Variants in UNC5CL observed in about 807,000 individuals in gnomAD.
UNC5CL encodes unc-5 family C-terminal like.
UNC5CL carries 42 observed loss-of-function variants against 54.1 expected under a neutral mutation model. The observed-to-expected ratio is 0.78, with a 90% CI of 0.61 to 1.00. The LOEUF (loss-of-function observed/expected upper bound fraction) is 1.00, where lower values mean the gene tolerates loss of function less well. Ranked by LOEUF, UNC5CL falls within the 50% of genes least tolerant of loss-of-function variation. The pLI is 0.00. For synonymous variants in UNC5CL, 285 were observed against 285.1 expected (o/e 1.00, Z 0.00); for missense variants, 619 against 675.6 (o/e 0.92, Z 0.93).
At chr6:41,030,561 C>T in intron 7 of UNC5CL, 60 bp from the exon 8 acceptor site, 1 of 1,609,576 alleles carries the variant, frequency 6.2e-7, no homozygotes, top group Non-Finnish European at 8.5e-7. Context: ...CTCTGGTTCT[C>T]CCATATGCAC....
At chr6:41,032,234 G>T in intron 4 of UNC5CL, 97 bp from the exon 5 acceptor site, 1 of 1,004,654 alleles carries the variant, frequency 1.0e-6, no homozygotes, top group African/African-American at 1.6e-5. Context: ...AACAAAGGCA[G>T]GAGGGTCTCA....
chr6:41,032,899 T>C lies in UNC5CL; in HGVS notation c.934A>G (p.Thr312Ala), dbSNP rs147999225. Residue 312 changes from threonine (T) to alanine (A), a missense_variant, in exon 4 of 9, where the codon ACG becomes GCG. Physicochemically the swap from Thr to Ala is moderately conservative, Grantham distance 58. Coordinates refer to ENST00000244565, the MANE Select transcript of UNC5CL (RefSeq NM_173561.3). The part of the protein sequence containing the change: ...GARGDQCLKL[T>A]YISEGWENVD... ...CCTCCCTCACCCTCTGAGATGTACG[T>C]GAGCTTCAGGCACTGGTCGCCCCTA... 4,758 of 1,603,540 alleles carry C rather than the reference T, an allele frequency of 3.0e-3. 13 individuals carry two copies. Among genetic ancestry groups the C allele is most frequent in the Non-Finnish European group, 3.7e-3 (4,322 of 1,174,992 alleles).
At chr6:41,032,201 G>C (rs1164548790) in intron 4 of UNC5CL, 64 bp from the exon 5 acceptor site, 9 of 1,347,880 alleles carry the variant, frequency 6.7e-6, no homozygotes, top group Non-Finnish European at 9.5e-6. Flanking sequence ...ATTGAAGGGG[G>C]CTGTGGGGAG....
rs755687083 is a variant in UNC5CL, at chr6:41,034,699, T to C, written c.376A>G (p.Ile126Val). Residue 126 changes from isoleucine (I) to valine (V), a missense_variant, in exon 2 of 9, where the codon ATC (isoleucine) becomes GTC (valine). Physicochemically the swap from Ile to Val is conservative, Grantham distance 29. Coordinates refer to ENST00000244565, the MANE Select transcript of UNC5CL (RefSeq NM_173561.3). Reference protein sequence around the residue: ...MLQDTGISLLIPPGAVAVGRQ... With the variant: ...MLQDTGISLLVPPGAVAVGRQ... ...AGCCAGGAGCTGTTACCTGGTGGGATGAGCAAGGAGATGCCTGTATCCTGG... is the reference window on the plus strand; with the variant it reads ...AGCCAGGAGCTGTTACCTGGTGGGACGAGCAAGGAGATGCCTGTATCCTGG... The C allele has an allele frequency of 1.2e-6, 2 of 1,601,976 alleles. No individual in the cohort carries two copies. The highest frequency in any genetic ancestry group is 1.1e-5 in the South Asian group (1 of 91,068).
At chr6:41,030,094 G>T (rs736794) in intron 8 of UNC5CL, among the ~76,000 whole-genome samples, 75,320 of 152,032 alleles carry the variant, frequency 0.5, 20,930 homozygotes, top group African/African-American at 0.77. Flanking sequence ...AATCTGTCTT[G>T]CTCCTCCTCA....
At chr6:41,032,426 C>T (rs535867825) in intron 4 of UNC5CL, among the ~76,000 whole-genome samples, 47 of 152,328 alleles carry the variant, frequency 3.1e-4, no homozygotes, top group African/African-American at 9.1e-4. Context: ...GGTCAAAGCC[C>T]TGGGGGCTCC....
At chr6:41,038,716 G>A (rs75103215) in intron 1 of UNC5CL, among the ~76,000 whole-genome samples, 3,231 of 152,194 alleles carry the variant, frequency 0.021, 87 homozygotes, top group African/African-American at 0.064. Context: ...TCCCCGAAAC[G>A]AGAGTCCTTT....
intron 8 of UNC5CL, among the ~76,000 whole-genome samples, chr6:41,030,088 TGTC>T (rs1762434563): frequency 4.6e-5 from 7 of 152,224 alleles, no homozygotes; most frequent in African/African-American, 1.7e-4. Flanking sequence ...TCCTATAATC[TGTC>T]TTGCTCCTCC....
intron 6 of UNC5CL, among the ~76,000 whole-genome samples, chr6:41,030,966 CCT>C (rs1305013252): frequency 3.3e-5 from 5 of 152,144 alleles, no homozygotes; most frequent in African/African-American, 1.2e-4. Context: ...TATGTTTGCC[CCT>C]GAGCTCTTTG....
rs1762394931 is a variant in UNC5CL at position 41,026,911 on chromosome 6, A to G, written c.*1462T>C. The G allele has an allele frequency of 6.6e-6, 1 of 152,366 alleles. No homozygotes were observed. Among genetic ancestry groups the G allele is most frequent in the Non-Finnish European group, 1.5e-5 (1 of 68,036 alleles). The allele number at this position is 152,366 out of a possible 1,614,324, so 9.4% of individuals were successfully genotyped here. On this transcript the variant is annotated 3_prime_UTR_variant, in exon 9 of 9. Transcript: ENST00000244565. ...ATTTTCATATTTTATCATTCATCAT[A>G]GAAAAAAAGCTTTAATATTTTTTAA...
Position 41,034,748 on chromosome 6 carries a change from A to C in UNC5CL, c.327T>G (p.Asp109Glu). Reference protein sequence around the residue: ...KLLVFSAREVDHRGGCLMLQD... With the variant: ...KLLVFSAREVEHRGGCLMLQD... ...GGAGCATCAGGCAACCGCCGCGGTG[A>C]TCCACCTCTCGAGCCGAAAACACCA... Residue 109 changes from aspartate to glutamate, a missense_variant, in exon 2 of 9, where the codon GAT (aspartate) becomes GAG (glutamate). Asp to Glu is a conservative substitution (Grantham distance 45). Transcript: ENST00000244565. 3.7e-6 allele frequency: 6 copies of C among 1,611,940 alleles called. No homozygotes were observed. Among genetic ancestry groups the C allele is most frequent in the Non-Finnish European group, 5.1e-6 (6 of 1,180,008 alleles).
chr6:41,033,170 C>T (rs1581976900), intron 3 of UNC5CL, 24 bp from the exon 4 acceptor site: 2 of 1,605,560 alleles, frequency 1.2e-6, no homozygotes, highest in East Asian at 4.5e-5. Context: ...CAGTGGCAGG[C>T]ACTAATGTGC....
intron 1 of UNC5CL, among the ~76,000 whole-genome samples, chr6:41,036,242 T>G (rs1420637714): frequency 6.6e-6 from 1 of 152,210 alleles, no homozygotes; most frequent in Non-Finnish European, 1.5e-5. Flanking sequence ...TATAAAATTA[T>G]GAGATATTTT....
rs1156477850 is a variant in UNC5CL, at chr6:41,033,156, G to A, written c.687-10C>T. 6.2e-7 allele frequency: 1 copy of A among 1,610,708 alleles called. No individual in the cohort carries two copies. Among genetic ancestry groups the A allele is most frequent in the Non-Finnish European group, 8.5e-7 (1 of 1,178,692 alleles). ...CACACAGGTGTAGAGGCTGCAGAGG[G>A]AGCCAGTGGCAGGCACTAATGTGCA... On this transcript the variant is annotated splice_polypyrimidine_tract_variant and intron_variant, in intron 3 of 8. Transcript: ENST00000244565.
intron 4 of UNC5CL, 120 bp downstream of exon 4, chr6:41,032,763 GA>G (rs1051811582): frequency 1.2e-4 from 162 of 1,369,392 alleles, no homozygotes; most frequent in Middle Eastern, 2.5e-4. Flanking sequence ...TCCATCTCGG[GA>G]AAAAAAAAGA....
intron 1 of UNC5CL, among the ~76,000 whole-genome samples, chr6:41,036,572 T>C (rs1406916837): frequency 6.6e-6 from 1 of 152,228 alleles, no homozygotes; most frequent in Non-Finnish European, 1.5e-5. Context: ...GGGGAAAAAG[T>C]GCCTCTTTGT....
At chr6:41,031,040 C>T (rs913303807) in intron 6 of UNC5CL, among the ~76,000 whole-genome samples, 7 of 152,090 alleles carry the variant, frequency 4.6e-5, no homozygotes, top group African/African-American at 1.4e-4. Context: ...TGGGTGGGGC[C>T]GTGGAGCAGT....
Position 41,031,686 on chromosome 6 carries a change from G to A in UNC5CL, c.1114C>T (p.Gln372Ter). 6.2e-7 allele frequency: 1 copy of A among 1,614,146 alleles called. No individual in the cohort carries two copies. Among genetic ancestry groups the A allele is most frequent in the South Asian group, 1.1e-5 (1 of 91,080 alleles). ...NEIIVTMHTF[Q>*]DGLETKYMEI... ...GCCCCTCAGCTCCAACTCACATCCT[G>A]GAAGGTGTGCATGGTGACAATGATC... The change falls in exon 6 of 9, where the codon CAG becomes TAG. Residue 372 changes from glutamine to a stop codon, truncating the protein, a stop_gained. Transcript: ENST00000244565. LOFTEE classifies it high-confidence loss of function.
chr6:41,030,352 T>C lies in UNC5CL; in HGVS notation c.1334+36A>G, dbSNP rs201594803. On this transcript the variant is annotated intron_variant, in intron 8 of 8. Transcript: ENST00000244565. ...TGAGGAACCCCATTCCAGCCCACCC[T>C]CCTCTACCATCCACAGACCTCACCC... 2.2e-5 allele frequency: 35 copies of C among 1,604,576 alleles called. No homozygotes were observed. The African/African-American group carries it at 4.4e-4, about 20-fold the overall frequency.
Sources: allele counts gnomAD v4.1 joint callset (sites outside exome capture counted in the v4.1 genomes callset), GRCh38; gene constraint gnomAD v4.1.1; transcripts MANE v1.5; gene names NCBI Gene and HGNC (gene_info 2026-07-23, HGNC 2026-07-21).